Variants in AGBL1 observed in about 807,000 individuals in gnomAD.
The protein encoded by AGBL1 is AGBL carboxypeptidase 1.
In AGBL1, 130 loss-of-function variants were observed where a neutral mutation model predicts 118.9. The observed-to-expected ratio is 1.09, with a 90% CI of 0.95 to 1.26. AGBL1 has a LOEUF of 1.26. Among genes scored for constraint, AGBL1 ranks in the 50% most tolerant of loss-of-function variants. The pLI, the probability that AGBL1 is intolerant of heterozygous loss-of-function variation, is 0.00. For missense variants in AGBL1, 1,584 were observed against 1,298.1 expected (o/e 1.22, Z -3.38); for synonymous variants, 555 against 478.9 (o/e 1.16, Z -2.08).
At chr15:86,297,782 C>T (rs2079669865) in intron 17 of AGBL1, among the ~76,000 whole-genome samples, 1 of 152,088 alleles carries the variant, frequency 6.6e-6, no homozygotes, top group Non-Finnish European at 1.5e-5. Context: ...ATACTATGAT[C>T]AGTAGAGGTG....
chr15:86,709,602 T>C (rs1408791457), intron 22 of AGBL1, among the ~76,000 whole-genome samples: 1 of 152,226 alleles, frequency 6.6e-6, no homozygotes. Context: ...ATCGCTGCTA[T>C]GTGCTTGAAA....
chr15:86,851,748 C>T (rs2079409475), intron 22 of AGBL1, among the ~76,000 whole-genome samples: 1 of 151,962 alleles, frequency 6.6e-6, no homozygotes, highest in African/African-American at 2.4e-5. Flanking sequence ...ATGGGGAAGG[C>T]ATGGGGATGG....
intron 21 of AGBL1, among the ~76,000 whole-genome samples, chr15:86,602,237 A>G (rs751265239): frequency 3.3e-5 from 5 of 152,156 alleles, no homozygotes; most frequent in Non-Finnish European, 7.4e-5. Flanking sequence ...CACATGTTGT[A>G]TGGTGGGAGT....
At chr15:86,994,109 GAA>G (rs980959969) in intron 24 of AGBL1, among the ~76,000 whole-genome samples, 1 of 152,140 alleles carries the variant, frequency 6.6e-6, no homozygotes, top group Non-Finnish European at 1.5e-5. Flanking sequence ...GGAGACCACT[GAA>G]AGAGGAAGCT....
intron 21 of AGBL1, among the ~76,000 whole-genome samples, chr15:86,643,285 G>A (rs1444092508): frequency 6.6e-6 from 1 of 151,832 alleles, no homozygotes; most frequent in Admixed American, 6.6e-5. Flanking sequence ...GATCAATTTA[G>A]GTTTCATATG....
At chr15:86,713,173 G>A (rs950504837) in intron 22 of AGBL1, among the ~76,000 whole-genome samples, 9 of 152,114 alleles carry the variant, frequency 5.9e-5, no homozygotes, top group African/African-American at 2.2e-4. Context: ...TCCACTGAAA[G>A]AGAAAGGGAG....
intron 21 of AGBL1, among the ~76,000 whole-genome samples, chr15:86,608,738 A>T (rs1567081789): frequency 6.6e-6 from 1 of 152,196 alleles, no homozygotes; most frequent in Non-Finnish European, 1.5e-5. Flanking sequence ...GTTGCTGCAT[A>T]CCAAAATGTG....
At chr15:86,382,471 G>T (rs2081125895) in intron 17 of AGBL1, among the ~76,000 whole-genome samples, 1 of 152,020 alleles carries the variant, frequency 6.6e-6, no homozygotes, top group Non-Finnish European at 1.5e-5. Context: ...CCTGCCAGGG[G>T]CTCTTTCTTG....
At chr15:86,494,129 A>G (rs755127667) in intron 18 of AGBL1, among the ~76,000 whole-genome samples, 12 of 151,654 alleles carry the variant, frequency 7.9e-5, no homozygotes, top group South Asian at 4.2e-4. Flanking sequence ...TTCTACTCTA[A>G]GTGTTTATCA....
chr15:86,373,252 C>G (rs150281057), intron 17 of AGBL1, among the ~76,000 whole-genome samples: 1 of 152,256 alleles, frequency 6.6e-6, no homozygotes, highest in Non-Finnish European at 1.5e-5. Flanking sequence ...CAATTTTCTT[C>G]TAGAGTGTGT....
chr15:86,432,857 T>C (rs1299392767), intron 18 of AGBL1, among the ~76,000 whole-genome samples: 1 of 152,140 alleles, frequency 6.6e-6, no homozygotes, highest in Non-Finnish European at 1.5e-5. Flanking sequence ...CCCTGGCAGG[T>C]GGCTGTAAGC....
At chr15:86,792,883 T>C (rs1005057971) in intron 22 of AGBL1, among the ~76,000 whole-genome samples, 42 of 152,140 alleles carry the variant, frequency 2.8e-4, no homozygotes, top group Non-Finnish European at 4.4e-5. Context: ...CCCAGTAATA[T>C]TATCAACAAA....
At chr15:86,143,957 G>T in intron 3 of AGBL1, 112 bp downstream of exon 3, 1 of 1,332,292 alleles carries the variant, frequency 7.5e-7, no homozygotes, top group Non-Finnish European at 1.0e-6. Context: ...GCGTCAGGGA[G>T]GTTCTGGACA....
intron 22 of AGBL1, among the ~76,000 whole-genome samples, chr15:86,705,081 A>G (rs2086424252): frequency 6.6e-6 from 1 of 152,164 alleles, no homozygotes. Context: ...GGAGTCGAAC[A>G]AAGAGAACAC....
At chr15:86,291,666 A>G (rs2079547138) in intron 16 of AGBL1, among the ~76,000 whole-genome samples, 2 of 152,226 alleles carry the variant, frequency 1.3e-5, no homozygotes, top group African/African-American at 2.4e-5. Context: ...ATGAGAGATT[A>G]GGTTGAGTGG....
intron 24 of AGBL1, among the ~76,000 whole-genome samples, chr15:87,012,007 T>C (rs1380689468): frequency 6.6e-6 from 1 of 152,138 alleles, no homozygotes; most frequent in Non-Finnish European, 1.5e-5. Flanking sequence ...AATAGCCAAT[T>C]TAATTTTCTT....
intron 18 of AGBL1, among the ~76,000 whole-genome samples, chr15:86,436,413 G>A (rs900821174): frequency 9.2e-5 from 14 of 152,194 alleles, no homozygotes; most frequent in African/African-American, 3.1e-4. Context: ...CATAAAGATG[G>A]GATAAGTGTG....
At chr15:86,837,420 C>A (rs886299439) in intron 22 of AGBL1, among the ~76,000 whole-genome samples, 10 of 152,134 alleles carry the variant, frequency 6.6e-5, no homozygotes, top group African/African-American at 1.2e-4. Flanking sequence ...CCAAATTTGG[C>A]TCACCCCCTA....
intron 6 of AGBL1, among the ~76,000 whole-genome samples, chr15:86,226,464 G>C (rs1178407203): frequency 6.6e-6 from 1 of 152,180 alleles, no homozygotes; most frequent in Non-Finnish European, 1.5e-5. Context: ...AGCTGAGTAA[G>C]GCTGGCTTAC....
Sources: allele counts gnomAD v4.1 joint callset (sites outside exome capture counted in the v4.1 genomes callset), GRCh38; gene constraint gnomAD v4.1.1; transcripts MANE v1.5; gene names NCBI Gene and HGNC (gene_info 2026-07-23, HGNC 2026-07-21).